The following BIN1 variants were observed in gnomAD, a reference collection of about 807,000 sequenced individuals.
The protein encoded by BIN1 is bridging integrator 1, also known as myc box-dependent-interacting protein 1.
A neutral mutation model predicts 82.0 loss-of-function variants in BIN1; 53 were observed. The ratio of observed to expected loss-of-function variants is 0.65; its 90% CI spans 0.52 to 0.81. The LOEUF (loss-of-function observed/expected upper bound fraction) is 0.81. Ranked by LOEUF, BIN1 falls within the 40% of genes least tolerant of loss-of-function variation. The pLI is 0.00. For synonymous variants in BIN1, 302 were observed against 328.0 expected, an observed-to-expected ratio of 0.92 and a Z score of 0.86; for missense variants, 642 against 784.4, an observed-to-expected ratio of 0.82 and a Z score of 2.17.
At chr2:127,070,150 G>T in intron 4 of BIN1, 60 bp from the exon 5 acceptor site, 1 of 1,423,684 alleles carries the variant, frequency 7.0e-7, no homozygotes, top group Non-Finnish European at 9.8e-7. Context: ...CCGCCCCAGC[G>T]CTCACCTCGC....
chr2:127,095,152 T>A (rs899060494), intron 1 of BIN1, among the ~76,000 whole-genome samples: 2 of 152,236 alleles, frequency 1.3e-5, no homozygotes, highest in Non-Finnish European at 2.9e-5. Context: ...AGCAAATGCA[T>A]CCAATTAATT....
At chr2:127,055,217 C>G (rs1187741573) in intron 12 of BIN1, 1 of 152,438 alleles carries the variant, frequency 6.6e-6, no homozygotes, top group Non-Finnish European at 1.5e-5. Context: ...AGACCTGGGG[C>G]TGTGGGCCGG....
chr2:127,049,264 T>G (rs1399306022), intron 18 of BIN1, among the ~76,000 whole-genome samples: 1 of 152,114 alleles, frequency 6.6e-6, no homozygotes, highest in African/African-American at 2.4e-5. Flanking sequence ...CTGAGCCCCC[T>G]CCAGCAGCCC....
intron 1 of BIN1, among the ~76,000 whole-genome samples, chr2:127,105,872 C>T (rs932767185): frequency 2.0e-5 from 3 of 152,248 alleles, no homozygotes; most frequent in Non-Finnish European, 2.9e-5. Context: ...AACACAGATT[C>T]TGCAATCTCA....
At chr2:127,081,025 A>C (rs1687225207) in intron 1 of BIN1, among the ~76,000 whole-genome samples, 1 of 152,158 alleles carries the variant, frequency 6.6e-6, no homozygotes, top group South Asian at 2.1e-4. Flanking sequence ...GGCCTTTGTC[A>C]TGGCCCAGTG....
At chr2:127,105,547 G>C (rs983408016) in intron 1 of BIN1, among the ~76,000 whole-genome samples, 13 of 150,460 alleles carry the variant, frequency 8.6e-5, no homozygotes, top group African/African-American at 2.7e-4. Flanking sequence ...GGCAAACCTG[G>C]ACTTGGCTGA....
At chr2:127,081,276 C>G (rs949707660) in intron 1 of BIN1, among the ~76,000 whole-genome samples, 2 of 152,194 alleles carry the variant, frequency 1.3e-5, no homozygotes, top group Non-Finnish European at 2.9e-5. Flanking sequence ...TCACCAGGGC[C>G]GCCTCCTCAG....
chr2:127,106,806 C>CGGGGCTCCGCGGCGGCT (rs1224300733), intron 1 of BIN1, 54 bp downstream of exon 1: 1 of 1,550,826 alleles, frequency 6.4e-7, no homozygotes, highest in Non-Finnish European at 8.7e-7. Flanking sequence ...GACAGGTGGC[C>CGGGGCTCCGCGGCGGCT]GGGGCTCCGC....
chr2:127,050,360 C>A, intron 18 of BIN1, 61 bp downstream of exon 18: 4 of 1,585,734 alleles, frequency 2.5e-6, no homozygotes, highest in Non-Finnish European at 3.5e-6. Context: ...CACGGCGGTG[C>A]CAGCCGCAGC....
intron 1 of BIN1, among the ~76,000 whole-genome samples, chr2:127,099,811 C>CT (rs554314457): frequency 0.041 from 5,964 of 146,182 alleles, 278 homozygotes; most frequent in East Asian, 0.19. Flanking sequence ...TGCGCCTGGC[C>CT]TTTTTTTTTT....
In BIN1 at chr2:127,086,511, CT is replaced by C. The variant is rs34507663; in HGVS notation, c.85-9806del. The stretch of plus-strand genomic sequence containing the variant: ...CCCACATGGTAATCCATCTTTTTTT[CT>C]TTTTTTTTTTTTTAAGACAGAATCT... On this transcript the variant is annotated intron_variant, in intron 1 of 18. Transcript: ENST00000316724. 2.7e-3 allele frequency among the ~76,000 whole-genome samples: 390 copies of C among 142,002 alleles called. 1 individual carries two copies. Among genetic ancestry groups the C allele is most frequent in the Admixed American group, 3.1e-3 (44 of 14,214 alleles). The allele number at this position is 142,002 out of a possible 152,430, so 93.2% of individuals were successfully genotyped here. A position where few individuals can be genotyped will look rare whatever the true frequency, so the allele number is the denominator to read the frequency against.
intron 1 of BIN1, among the ~76,000 whole-genome samples, chr2:127,094,507 G>C (rs1297518303): frequency 6.6e-6 from 1 of 151,650 alleles, no homozygotes; most frequent in African/African-American, 2.4e-5. Context: ...GGGGGGTCCC[G>C]CTGCCTGCTA....
Position 127,093,231 on chromosome 2 carries a change from ACT to A in BIN1, c.84+13627_84+13628del, listed in dbSNP as rs1425604153. ...AGTGTGGTGCTGTGGCTCACTGCAG[ACT>A]CTGAACAAAGGGCATGTGAAAGGCC... On this transcript the variant is annotated intron_variant, in intron 1 of 18. Coordinates refer to ENST00000316724, the MANE Select transcript of BIN1 (RefSeq NM_139343.3). This position sits in a 1 kb window ranked among gnomAD's most constrained non-coding sequence, Gnocchi z 5.7. 6.6e-6 allele frequency among the ~76,000 whole-genome samples: 1 copy of A among 152,028 alleles called. No individual in the cohort carries two copies. Among genetic ancestry groups the A allele is most frequent in the African/African-American group, 2.4e-5 (1 of 41,390 alleles).
At chr2:127,049,783 A>G (rs1291920934) in intron 18 of BIN1, among the ~76,000 whole-genome samples, 1 of 152,170 alleles carries the variant, frequency 6.6e-6, no homozygotes, top group Non-Finnish European at 1.5e-5. Flanking sequence ...AGGGTCCCAG[A>G]CCTAGGAGGG....
rs950822160 is a variant in BIN1 at position 127,050,672 on chromosome 2, T to C, written c.1572+130A>G. 7 of 1,336,630 alleles carry C rather than the reference T, an allele frequency of 5.2e-6. No homozygotes were observed. The African/African-American group carries it at 1.0e-4, about 19-fold the overall frequency. 82.8% of individuals were successfully genotyped at this position (1,336,630 alleles called of 1,614,324 possible). A position where few individuals can be genotyped will look rare whatever the true frequency, so the allele number is the denominator to read the frequency against. ...GACAGTATGGGGCTCAGATGCCACCTTGCTGGCTGGGAGTGACCTAGTAGC... is the reference window on the plus strand; with the variant it reads ...GACAGTATGGGGCTCAGATGCCACCCTGCTGGCTGGGAGTGACCTAGTAGC... On this transcript the variant is annotated intron_variant, in intron 17 of 18. Coordinates refer to ENST00000316724, the MANE Select transcript of BIN1 (RefSeq NM_139343.3).
chr2:127,087,501 G>A (rs558627119), intron 1 of BIN1, among the ~76,000 whole-genome samples: 1 of 152,340 alleles, frequency 6.6e-6, no homozygotes, highest in South Asian at 2.1e-4. Context: ...GTGGGCTGCG[G>A]TGGCCTGGGG....
intron 2 of BIN1, among the ~76,000 whole-genome samples, chr2:127,074,769 C>T (rs10202325): frequency 0.17 from 26,466 of 152,110 alleles, 2,409 homozygotes; most frequent in South Asian, 0.25. Context: ...GTGGCATGAT[C>T]TCGGCCCACC....
rs1228955109 is a variant in BIN1, at chr2:127,058,798, A to G, written c.1002+213T>C. The stretch of plus-strand genomic sequence containing the variant: ...GCAGTGGGGGTGGGGGCTGGGGAGG[A>G]GCGAGCAAGTCACAGATGCCTCCCG... On this transcript the variant is annotated intron_variant, in intron 11 of 18. Coordinates refer to ENST00000316724, the MANE Select transcript of BIN1 (RefSeq NM_139343.3). Among the ~76,000 whole-genome samples, 3 of 151,878 alleles carry G rather than the reference A, an allele frequency of 2.0e-5. No individual in the cohort carries two copies. The East Asian group carries it at 5.9e-4, about 30-fold the overall frequency.
intron 1 of BIN1, among the ~76,000 whole-genome samples, chr2:127,078,593 G>T (rs545846673): frequency 6.6e-6 from 1 of 152,294 alleles, no homozygotes; most frequent in Admixed American, 6.5e-5. Flanking sequence ...TTGTGCTACA[G>T]CGGTCGGGAC....
Sources: gnomAD v4.1 joint callset for allele counts (sites outside exome capture counted in the v4.1 genomes callset) on GRCh38, gnomAD v4.1.1 for gene constraint, Gnocchi (gnomAD v3.1) non-coding constraint, MANE v1.5 for transcripts, NCBI Gene and HGNC (gene_info 2026-07-23, HGNC 2026-07-21) for gene names.